MTERF3: variants seen among roughly 807,000 people sequenced by gnomAD.
The protein encoded by MTERF3 is transcription termination factor 3, mitochondrial.
Under a neutral mutation model 40.5 loss-of-function variants are expected in MTERF3, and 40 were observed. That is an observed-to-expected ratio of 0.99 (90% confidence interval 0.77 to 1.29). MTERF3 has a LOEUF of 1.29. Among genes scored for constraint, MTERF3 ranks in the 50% most tolerant of loss-of-function variants. MTERF3 has a pLI of 0.00. For synonymous variants in MTERF3, 158 were observed against 166.6 expected (o/e 0.95, Z 0.40); for missense variants, 452 against 478.2 (o/e 0.95, Z 0.51).
chr8:96,246,153 T>C (rs1021051357), intron 5 of MTERF3, among the ~76,000 whole-genome samples, 154 bp downstream of exon 5: 16 of 152,222 alleles, frequency 1.1e-4, no homozygotes, highest in African/African-American at 3.6e-4. Flanking sequence ...GATGGAGCTC[T>C]ATGTTTAAAC....
intron 4 of MTERF3, 125 bp downstream of exon 4, chr8:96,250,781 T>G (rs983876909): frequency 1.2e-6 from 1 of 820,082 alleles, no homozygotes; most frequent in Non-Finnish European, 1.8e-6. Flanking sequence ...AGAAGGTCTA[T>G]AACAAAAAAA....
At chr8:96,247,744 T>G (rs1810048448) in intron 4 of MTERF3, among the ~76,000 whole-genome samples, 1 of 152,102 alleles carries the variant, frequency 6.6e-6, no homozygotes, top group Non-Finnish European at 1.5e-5. Context: ...ATATAAAAAT[T>G]TTAAATGCAT....
intron 4 of MTERF3, among the ~76,000 whole-genome samples, chr8:96,249,021 G>C (rs1030259554): frequency 1.2e-4 from 18 of 152,292 alleles, no homozygotes; most frequent in African/African-American, 4.3e-4. Context: ...TAGCCAGCCA[G>C]GTTTAGGAAT....
chr8:96,245,749 CTT>C (rs1810008528), intron 6 of MTERF3, 109 bp downstream of exon 6: 2 of 854,326 alleles, frequency 2.3e-6, no homozygotes, highest in South Asian at 3.4e-5. Flanking sequence ...TTAGAAATAA[CTT>C]ATTTTAAAGT....
Position 96,239,571 on chromosome 8 carries a change from A to G in MTERF3, c.1174T>C (p.Ser392Pro), listed in dbSNP as rs1450367405. Residue 392 changes from serine to proline, a missense_variant, in exon 8 of 8, where the codon TCT (serine) becomes CCT (proline). Ser to Pro is a moderately conservative substitution (Grantham distance 74, BLOSUM62 -1). Coordinates refer to ENST00000287025, the MANE Select transcript of MTERF3 (RefSeq NM_015942.5). ...PNYISLDKLV[S>P]IPDEIFCEEI... ...TCACAAAATATTTCATCAGGAATAG[A>G]TACTAGTTTGTCCAAAGAGATGTAG... is the stretch of plus-strand genomic sequence containing the variant. 6.2e-6 allele frequency: 10 copies of G among 1,613,224 alleles called. No individual in the cohort carries two copies. The highest frequency in any genetic ancestry group is 3.3e-5 in the South Asian group (3 of 91,008).
At chr8:96,250,333 T>A in intron 4 of MTERF3, among the ~76,000 whole-genome samples, 1 of 145,710 alleles carries the variant, frequency 6.9e-6, no homozygotes, top group East Asian at 2.0e-4. Flanking sequence ...TGATGGGTTT[T>A]TTTTTTTTTT....
At chr8:96,245,478 T>A (rs1395517221) in intron 6 of MTERF3, among the ~76,000 whole-genome samples, 6 of 152,194 alleles carry the variant, frequency 3.9e-5, no homozygotes, top group Non-Finnish European at 8.8e-5. Context: ...CCCTGAGACA[T>A]ACACAGACTG....
intron 2 of MTERF3, chr8:96,258,129 A>C (rs1207589851): frequency 1.7e-6 from 1 of 589,428 alleles, no homozygotes; most frequent in African/African-American, 2.0e-5. Flanking sequence ...TTAAAAAGCA[A>C]ATGTTTTATA....
At chr8:96,250,881 A>G (rs1319671140) in intron 4 of MTERF3, 25 bp downstream of exon 4, 7 of 1,582,626 alleles carry the variant, frequency 4.4e-6, no homozygotes, top group Non-Finnish European at 5.1e-6. Context: ...CTTAGGTTAT[A>G]TGAGAATCCT....
At chr8:96,258,200 T>A in intron 2 of MTERF3, 157 bp downstream of exon 2, 1 of 980,060 alleles carries the variant, frequency 1.0e-6, no homozygotes, top group South Asian at 4.7e-5. Flanking sequence ...ACCAGTAAAA[T>A]AAAGGCATGA....
At position 96,243,969 on chromosome 8, in the gene MTERF3, C is replaced by G; in HGVS notation, c.1009G>C (p.Val337Leu). Residue 337 changes from valine (V) to leucine (L), a missense_variant, in exon 7 of 8, where the codon GTG (valine) becomes CTG (leucine). Val to Leu is a conservative substitution (Grantham distance 32). Transcript: ENST00000287025. ...KMKLTETFDF[V>L]HNVMSIPHHI... is the part of the protein sequence containing the mutation. ...TGGGGAATGCTCATCACATTGTGCA[C>G]AAAATCAAACGTCTCGGTAAGTTTC... 1 of 1,613,986 alleles carries G rather than the reference C, an allele frequency of 6.2e-7. No individual in the cohort carries two copies. The highest frequency in any genetic ancestry group is 8.5e-7 in the Non-Finnish European group (1 of 1,179,960).
chr8:96,257,146 A>C, intron 2 of MTERF3, 32 bp from the exon 3 acceptor site: 1 of 1,590,806 alleles, frequency 6.3e-7, no homozygotes, highest in South Asian at 1.1e-5. Context: ...TAGTGCTCTA[A>C]TATGCACACT....
intron 3 of MTERF3, among the ~76,000 whole-genome samples, chr8:96,253,662 G>C (rs942454641): frequency 6.6e-6 from 1 of 152,042 alleles, no homozygotes; most frequent in Non-Finnish European, 1.5e-5. Flanking sequence ...ACAGGTAAAG[G>C]AATGGCTGAA....
intron 7 of MTERF3, among the ~76,000 whole-genome samples, chr8:96,240,196 C>G (rs564101054): frequency 1.3e-5 from 2 of 151,048 alleles, no homozygotes; most frequent in Non-Finnish European, 2.9e-5. Context: ...TGCAGTGAGC[C>G]GAGATCGCGC....
intron 6 of MTERF3, among the ~76,000 whole-genome samples, chr8:96,244,395 C>T (rs894985874): frequency 3.3e-5 from 5 of 151,728 alleles, no homozygotes; most frequent in African/African-American, 9.7e-5. Flanking sequence ...TGAGCCACCG[C>T]GCCTGGCCAT....
chr8:96,250,785 A>C, intron 4 of MTERF3, 121 bp downstream of exon 4: 4 of 841,316 alleles, frequency 4.8e-6, no homozygotes, highest in Non-Finnish European at 5.1e-6. Context: ...GGTCTATAAC[A>C]AAAAAAATTC....
At chr8:96,250,492 C>T (rs550851343) in intron 4 of MTERF3, among the ~76,000 whole-genome samples, 1 of 144,906 alleles carries the variant, frequency 6.9e-6, no homozygotes, top group Admixed American at 6.9e-5. Context: ...GGGCAGATCA[C>T]TTGAGGTCAG....
In MTERF3 at chr8:96,239,428, A is replaced by C. The variant is rs1809877349; in HGVS notation, c.*63T>G. The C allele has an allele frequency of 7.8e-7, 1 of 1,275,932 alleles. No individual in the cohort carries two copies. The highest frequency in any genetic ancestry group is 1.5e-5 in the South Asian group (1 of 65,122). 79.0% of individuals were successfully genotyped at this position (1,275,932 alleles called of 1,614,324 possible). On this transcript the variant is annotated 3_prime_UTR_variant, in exon 8 of 8. Transcript: ENST00000287025. Reference sequence around the variant, plus strand: ...CAGTTGAGACCCGAGGCATTTAAAAATATATTCATTTATTCATATATATAT... The same window carrying C: ...CAGTTGAGACCCGAGGCATTTAAAACTATATTCATTTATTCATATATATAT...
intron 1 of MTERF3, 32 bp from the exon 2 acceptor site, chr8:96,258,732 G>T: frequency 7.0e-7 from 1 of 1,435,180 alleles, no homozygotes; most frequent in South Asian, 1.4e-5. Flanking sequence ...GTCAAAAGAA[G>T]AGAAATTTAA....
Sources: allele counts gnomAD v4.1 joint callset (sites outside exome capture counted in the v4.1 genomes callset), GRCh38; gene constraint gnomAD v4.1.1; transcripts MANE v1.5; gene names NCBI Gene and HGNC (gene_info 2026-07-23, HGNC 2026-07-21).